Variants in SAXO1 observed in about 807,000 individuals in gnomAD.
The protein encoded by SAXO1 is stabilizer of axonemal microtubules 1.
SAXO1 carries 21 observed loss-of-function variants against 17.5 expected under a neutral mutation model. That is an observed-to-expected ratio of 1.20 (90% CI 0.85 to 1.72). The LOEUF is 1.72. Ranked by LOEUF, SAXO1 falls within the 40% of genes most tolerant of loss-of-function variation. The probability of loss-of-function intolerance (pLI) is 0.00; values close to 1 mark genes in which losing one functional copy is unlikely to be tolerated. For synonymous variants in SAXO1, 274 were observed against 216.5 expected (o/e 1.27, Z -2.33); for missense variants, 843 against 596.0 (o/e 1.41, Z -4.32).
chr9:19,035,331 T>C (rs116143874), upstream of SAXO1, among the ~76,000 whole-genome samples: 29 of 152,322 alleles, frequency 1.9e-4, 1 homozygote, highest in South Asian at 6.0e-3. Flanking sequence ...TATCTTCATT[T>C]TTCTCTCTTG....
chr9:19,003,380 T>C (rs998434726), intron 1 of SAXO1, among the ~76,000 whole-genome samples: 3 of 152,128 alleles, frequency 2.0e-5, no homozygotes, highest in Admixed American at 6.5e-5. Flanking sequence ...CTTCACAGAA[T>C]TGGAAAAAAC....
intron 1 of SAXO1, among the ~76,000 whole-genome samples, chr9:18,999,353 G>A (rs908860972): frequency 2.0e-4 from 31 of 152,198 alleles, no homozygotes; most frequent in Admixed American, 1.6e-3. Context: ...GGCAAGTGAC[G>A]AGTGCCTCTG....
chr9:18,988,597 C>T (rs539524209), intron 1 of SAXO1, among the ~76,000 whole-genome samples: 69 of 152,242 alleles, frequency 4.5e-4, no homozygotes, highest in African/African-American at 1.5e-3. Flanking sequence ...GCATTTTATA[C>T]GTTGAATGTA....
At chr9:19,034,891 A>T (rs1835896008), upstream of SAXO1, among the ~76,000 whole-genome samples, 1 of 152,226 alleles carries the variant, frequency 6.6e-6, no homozygotes, top group Non-Finnish European at 1.5e-5. Flanking sequence ...TTTCAGCAGA[A>T]GAATGCCTGT....
At chr9:18,952,804 C>T (rs147602561) in intron 1 of SAXO1, among the ~76,000 whole-genome samples, 30 of 152,078 alleles carry the variant, frequency 2.0e-4, no homozygotes, top group African/African-American at 6.8e-4. Context: ...GAAAAGTGTG[C>T]TTTTTCTTTT....
chr9:19,014,669 CT>C (rs1834894744), intron 1 of SAXO1, among the ~76,000 whole-genome samples: 1 of 152,032 alleles, frequency 6.6e-6, no homozygotes, highest in African/African-American at 2.4e-5. Context: ...ATAGGATCTT[CT>C]TTCATAGATT....
rs1484202321 is a variant in SAXO1 at position 19,049,018 on chromosome 9, T to C, written c.-158+191A>G. ...CCATCTGCCCTGCCCTTGTACTCAC[T>C]GGGCCGGGCAAGCTGGGGAGGCCTA... On this transcript the variant is annotated intron_variant, in intron 1 of 3. Transcript: ENST00000542071. This position sits in a 1 kb window ranked among gnomAD's most constrained non-coding sequence, Gnocchi z 5.4. 6.6e-6 allele frequency among the ~76,000 whole-genome samples: 1 copy of C among 152,244 alleles called. No homozygotes were observed. The highest frequency in any genetic ancestry group is 1.5e-5 in the Non-Finnish European group (1 of 68,042).
intron 1 of SAXO1, among the ~76,000 whole-genome samples, chr9:18,952,524 A>C (rs562999433): frequency 6.6e-6 from 1 of 152,232 alleles, no homozygotes; most frequent in Non-Finnish European, 1.5e-5. Context: ...AGAGAAAATC[A>C]TCAACACCTG....
At chr9:19,038,238 C>T (rs1454594707), upstream of SAXO1, among the ~76,000 whole-genome samples, 1 of 152,020 alleles carries the variant, frequency 6.6e-6, no homozygotes, top group Admixed American at 6.6e-5. Flanking sequence ...ACCATTTGAC[C>T]CAGCCATCCC....
intron 1 of SAXO1, among the ~76,000 whole-genome samples, chr9:18,984,443 G>A (rs1833515914): frequency 6.6e-6 from 1 of 152,224 alleles, no homozygotes; most frequent in Non-Finnish European, 1.5e-5. Context: ...AAAATTTGTT[G>A]TGTTTAAAAT....
chr9:19,041,905 C>A, intron 1 of SAXO1, among the ~76,000 whole-genome samples: 1 of 151,886 alleles, frequency 6.6e-6, no homozygotes, highest in South Asian at 2.1e-4. Context: ...TGAGTAATAC[C>A]CCACAAGCAC....
At chr9:19,002,108 C>G (rs1834298392) in intron 1 of SAXO1, among the ~76,000 whole-genome samples, 1 of 152,158 alleles carries the variant, frequency 6.6e-6, no homozygotes, top group Admixed American at 6.5e-5. Context: ...TCAGAGAATA[C>G]TATAAACACC....
chr9:19,041,324 T>C (rs1398827461), intron 1 of SAXO1, among the ~76,000 whole-genome samples: 1 of 152,168 alleles, frequency 6.6e-6, no homozygotes, highest in African/African-American at 2.4e-5. Context: ...AAATATTCCA[T>C]GTACATGGAT....
At chr9:19,018,503 G>A (rs771407127) in intron 1 of SAXO1, among the ~76,000 whole-genome samples, 1 of 152,172 alleles carries the variant, frequency 6.6e-6, no homozygotes, top group Non-Finnish European at 1.5e-5. Flanking sequence ...GCAATGGAAC[G>A]TGTTTCAAAA....
In SAXO1 at chr9:19,033,145, C is replaced by T; in HGVS notation, c.-237G>A. On this transcript the variant is annotated 5_prime_UTR_variant, in exon 1 of 4. Coordinates refer to ENST00000380534, the MANE Select transcript of SAXO1 (RefSeq NM_153707.4). Reference sequence around the variant, plus strand: ...CTTGCACGCGCGCCAGCCCGGGAGACCTCACCCTGCACGCCACCGCCCCGG... The same window carrying T: ...CTTGCACGCGCGCCAGCCCGGGAGATCTCACCCTGCACGCCACCGCCCCGG... The T allele has an allele frequency of 2.2e-6, 1 of 463,266 alleles. No homozygotes were observed. The highest frequency in any genetic ancestry group is 3.4e-5 in the East Asian group (1 of 29,340). The allele number at this position is 463,266 out of a possible 1,614,324, so 28.7% of individuals were successfully genotyped here.
chr9:18,999,448 G>T (rs182392394), intron 1 of SAXO1, among the ~76,000 whole-genome samples: 2 of 151,950 alleles, frequency 1.3e-5, no homozygotes, highest in Non-Finnish European at 2.9e-5. Context: ...CCTCCACCCG[G>T]CTGCCCCACC....
At chr9:19,037,716 C>T (rs1835977511), upstream of SAXO1, among the ~76,000 whole-genome samples, 1 of 152,194 alleles carries the variant, frequency 6.6e-6, no homozygotes, top group African/African-American at 2.4e-5. Context: ...AATACACCAT[C>T]TAAACTTCCC....
chr9:19,035,412 G>C (rs192062098), upstream of SAXO1, among the ~76,000 whole-genome samples: 1 of 152,326 alleles, frequency 6.6e-6, no homozygotes, highest in Admixed American at 6.5e-5. Context: ...ATGTGGAACT[G>C]TAAGTCCAAT....
At chr9:19,009,510 G>A (rs1008934350) in intron 1 of SAXO1, among the ~76,000 whole-genome samples, 1 of 152,200 alleles carries the variant, frequency 6.6e-6, no homozygotes, top group Admixed American at 6.5e-5. Flanking sequence ...AGCTGCAGAT[G>A]CTTTTTGGGC....
Sources: allele counts gnomAD v4.1 joint callset (sites outside exome capture counted in the v4.1 genomes callset), GRCh38; gene constraint gnomAD v4.1.1; non-coding constraint Gnocchi (gnomAD v3.1); transcripts MANE v1.5; gene names NCBI Gene and HGNC (gene_info 2026-07-23, HGNC 2026-07-21).